GCH1: variants seen among roughly 807,000 people sequenced by gnomAD.
GCH1 encodes GTP cyclohydrolase 1.
In GCH1, 5 loss-of-function variants were observed where a neutral mutation model predicts 25.9. The ratio of observed to expected loss-of-function variants is 0.19; its 90% CI spans 0.10 to 0.41. The LOEUF (loss-of-function observed/expected upper bound fraction) is 0.41. Ranked by LOEUF, GCH1 falls within the 10% of genes least tolerant of loss-of-function variation. The pLI is 1.00. For synonymous variants in GCH1, 159 were observed against 129.6 expected (o/e 1.23, Z -1.54); for missense variants, 261 against 336.5 (o/e 0.78, Z 1.75).
In GCH1 at chr14:54,843,596, T is replaced by C; in HGVS notation, c.*421A>G. ...AATACCGCACTAAATATTTTAGCAC[T>C]TTCGGCACTACACCACTTTTATTGG... On this transcript the variant is annotated 3_prime_UTR_variant, in exon 6 of 6. Coordinates refer to ENST00000491895, the MANE Select transcript of GCH1 (RefSeq NM_000161.3). 6.9e-7 allele frequency: 1 copy of C among 1,441,114 alleles called. No individual in the cohort carries two copies. The highest frequency in any genetic ancestry group is 9.1e-7 in the Non-Finnish European group (1 of 1,098,088). The allele number at this position is 1,441,114 out of a possible 1,614,324, so 89.3% of individuals were successfully genotyped here.
At chr14:54,886,723 C>CT (rs146098989) in intron 1 of GCH1, among the ~76,000 whole-genome samples, 1,727 of 152,220 alleles carry the variant, frequency 0.011, 15 homozygotes, top group Non-Finnish European at 0.019. Flanking sequence ...GCCAACCAGC[C>CT]GGTGGGAGAG....
At chr14:54,893,311 A>T (rs1310164715) in intron 1 of GCH1, among the ~76,000 whole-genome samples, 1 of 152,226 alleles carries the variant, frequency 6.6e-6, no homozygotes, top group African/African-American at 2.4e-5. Context: ...TCCAGGATTC[A>T]TAATCTGGGA....
chr14:54,893,249 C>T (rs2040445890), intron 1 of GCH1, among the ~76,000 whole-genome samples: 1 of 152,158 alleles, frequency 6.6e-6, no homozygotes, highest in Non-Finnish European at 1.5e-5. Context: ...AATTTATAAC[C>T]ATGGGAAACA....
At chr14:54,901,558 G>A (rs1347268337) in intron 1 of GCH1, among the ~76,000 whole-genome samples, 1 of 152,128 alleles carries the variant, frequency 6.6e-6, no homozygotes, top group East Asian at 1.9e-4. Flanking sequence ...GGGAGGGTGC[G>A]GGGATGAGAC....
chr14:54,861,177 AT>A (rs1319493531), intron 2 of GCH1, among the ~76,000 whole-genome samples: 1 of 152,212 alleles, frequency 6.6e-6, no homozygotes, highest in East Asian at 1.9e-4. Flanking sequence ...GTACTTAGTG[AT>A]TTTTTCCCCC....
chr14:54,889,502 A>G (rs576953326), intron 1 of GCH1, among the ~76,000 whole-genome samples: 13 of 152,364 alleles, frequency 8.5e-5, no homozygotes, highest in Middle Eastern at 3.4e-3. Context: ...AGGAAGAGCC[A>G]TGGCCTCTTA....
intron 1 of GCH1, among the ~76,000 whole-genome samples, chr14:54,882,045 T>C (rs2040280179): frequency 6.6e-6 from 1 of 152,240 alleles, no homozygotes. Flanking sequence ...GTAATATTCA[T>C]GGAAGTTTAT....
chr14:54,901,285 A>G (rs924096752), intron 1 of GCH1, among the ~76,000 whole-genome samples: 1 of 152,236 alleles, frequency 6.6e-6, no homozygotes, highest in African/African-American at 2.4e-5. Context: ...TAGGGCAAAT[A>G]AATAAATGTC....
chr14:54,848,166 T>C (rs1355866069), intron 3 of GCH1, among the ~76,000 whole-genome samples: 1 of 151,430 alleles, frequency 6.6e-6, no homozygotes, highest in Non-Finnish European at 1.5e-5. Flanking sequence ...GATGGAGTCT[T>C]GTTCTTGCCA....
chr14:54,896,971 A>T (rs2040494368), intron 1 of GCH1, among the ~76,000 whole-genome samples: 1 of 139,366 alleles, frequency 7.2e-6, no homozygotes. Flanking sequence ...TCCTTACTAT[A>T]TGTGATAGAC....
chr14:54,879,316 G>C (rs927424336), intron 1 of GCH1, among the ~76,000 whole-genome samples: 1 of 151,466 alleles, frequency 6.6e-6, no homozygotes, highest in African/African-American at 2.4e-5. Flanking sequence ...AGCTACTTGG[G>C]AGGCTGAGGC....
Position 54,902,091 on chromosome 14 carries a change from G to A in GCH1, c.343+230C>T, listed in dbSNP as rs2040574438. Among the ~76,000 whole-genome samples the A allele has an allele frequency of 3.3e-5, 5 of 152,242 alleles. No individual in the cohort carries two copies. In the South Asian group the frequency reaches 1.0e-3, roughly 32 times the overall value. The stretch of plus-strand genomic sequence containing the variant: ...GGAGCGGGAAGGGCCCCTGGAAGGC[G>A]GCTGCAGCGAGTTCCGGGGCTGAGA... On this transcript the variant is annotated intron_variant, in intron 1 of 5. Coordinates refer to ENST00000491895, the MANE Select transcript of GCH1 (RefSeq NM_000161.3).
At chr14:54,899,553 T>C (rs1311268630) in intron 1 of GCH1, among the ~76,000 whole-genome samples, 1 of 152,170 alleles carries the variant, frequency 6.6e-6, no homozygotes, top group Non-Finnish European at 1.5e-5. Flanking sequence ...TTGCCCAGGC[T>C]GTTCTCCTGA....
At chr14:54,852,474 C>T (rs1430137200) in intron 3 of GCH1, among the ~76,000 whole-genome samples, 1 of 152,192 alleles carries the variant, frequency 6.6e-6, no homozygotes, top group Admixed American at 6.5e-5. Flanking sequence ...CACCTACTCT[C>T]ACTCAGACTG....
At chr14:54,847,657 A>G (rs2039663274) in intron 3 of GCH1, among the ~76,000 whole-genome samples, 1 of 141,570 alleles carries the variant, frequency 7.1e-6, no homozygotes, top group Admixed American at 7.4e-5. Flanking sequence ...ATACTTAATA[A>G]ACTCCCCTTT....
chr14:54,900,796 C>CA (rs2140124752), intron 1 of GCH1, among the ~76,000 whole-genome samples: 1 of 150,704 alleles, frequency 6.6e-6, no homozygotes, highest in South Asian at 2.1e-4. Context: ...CTGCAAGGGG[C>CA]AAAATGAGTA....
chr14:54,894,904 TGAG>T lies in GCH1; in HGVS notation c.343+7414_343+7416del, dbSNP rs1566683704. 2.0e-5 allele frequency among the ~76,000 whole-genome samples: 3 copies of T among 152,338 alleles called. No individual in the cohort carries two copies. The East Asian group carries it at 5.8e-4, about 29-fold the overall frequency. On this transcript the variant is annotated intron_variant, in intron 1 of 5. Transcript: ENST00000491895. ...CATCTAAAATAGTACCTTTTAATGATGAGAAGAGCATTTCTATAATATACTTTA... is the reference window on the plus strand; with the variant it reads ...CATCTAAAATAGTACCTTTTAATGATAAGAGCATTTCTATAATATACTTTA...
chr14:54,899,783 T>C (rs747308864), intron 1 of GCH1, among the ~76,000 whole-genome samples: 6 of 152,136 alleles, frequency 3.9e-5, no homozygotes, highest in Non-Finnish European at 7.3e-5. Flanking sequence ...GGAAGCTCCA[T>C]ACTCATTAAA....
In GCH1 at chr14:54,844,007, TG is replaced by T; in HGVS notation, c.*9del. ...CGATCGGCAACCAACGCACACACAC[TG>T]AATGAAGCTCAGCTCCTAATGAGAG... On this transcript the variant is annotated 3_prime_UTR_variant, in exon 6 of 6. Transcript: ENST00000491895. The T allele has an allele frequency of 6.2e-7, 1 of 1,614,158 alleles. No homozygotes were observed. Among genetic ancestry groups the T allele is most frequent in the Non-Finnish European group, 8.5e-7 (1 of 1,180,000 alleles).
Sources: gnomAD v4.1 joint callset for allele counts (sites outside exome capture counted in the v4.1 genomes callset) on GRCh38, gnomAD v4.1.1 for gene constraint, MANE v1.5 for transcripts, NCBI Gene and HGNC (gene_info 2026-07-23, HGNC 2026-07-21) for gene names.